Variants in EYS observed in about 807,000 individuals in gnomAD.
The protein encoded by EYS is protein eyes shut homolog.
EYS carries 250 observed loss-of-function variants against 282.1 expected under a neutral mutation model. The observed-to-expected ratio is 0.89, with a 90% CI of 0.80 to 0.98. The LOEUF is 0.98. Among genes scored for constraint, EYS ranks in the 50% least tolerant of loss-of-function variants. The pLI is 0.00. For missense variants in EYS, 4,016 were observed against 3,709.0 expected (o/e 1.08, Z -2.15); for synonymous variants, 1,355 against 1,282.9 (o/e 1.06, Z -1.20).
chr6:64,607,900 C>A (rs1766986301), intron 24 of EYS, among the ~76,000 whole-genome samples: 1 of 152,050 alleles, frequency 6.6e-6, no homozygotes, highest in Non-Finnish European at 1.5e-5. Context: ...CTCATCATCA[C>A]CATAGGAATA....
intron 19 of EYS, among the ~76,000 whole-genome samples, chr6:64,861,864 C>T (rs557278187): frequency 6.6e-6 from 1 of 152,072 alleles, no homozygotes; most frequent in African/African-American, 2.4e-5. Context: ...TCCTCTAATG[C>T]TTCTTTCTTT....
At chr6:63,857,437 A>T (rs1772423245) in intron 36 of EYS, 1 of 191,598 alleles carries the variant, frequency 5.2e-6, no homozygotes. Flanking sequence ...TTGTATCTGT[A>T]TGAGATGAGT....
At chr6:64,270,226 ACTT>A (rs1468337721) in intron 30 of EYS, among the ~76,000 whole-genome samples, 1 of 152,136 alleles carries the variant, frequency 6.6e-6, no homozygotes, top group Admixed American at 6.6e-5. Context: ...CAAAGTATCT[ACTT>A]CTCATTTTAG....
At chr6:65,367,072 G>A (rs901360093) in intron 8 of EYS, among the ~76,000 whole-genome samples, 3 of 151,556 alleles carry the variant, frequency 2.0e-5, no homozygotes, top group Non-Finnish European at 2.9e-5. Flanking sequence ...AACATCCATA[G>A]GTTATGGGGA....
At chr6:64,850,791 TAAG>T (rs1765859411) in intron 19 of EYS, among the ~76,000 whole-genome samples, 2 of 152,062 alleles carry the variant, frequency 1.3e-5, no homozygotes, top group Non-Finnish European at 2.9e-5. Flanking sequence ...CAAAAGTAAT[TAAG>T]AAGACCGATC....
At chr6:64,129,579 T>G (rs1180131559) in intron 31 of EYS, among the ~76,000 whole-genome samples, 1 of 152,168 alleles carries the variant, frequency 6.6e-6, no homozygotes, top group East Asian at 1.9e-4. Flanking sequence ...ATTCTGTAGG[T>G]TGCCTGTTCA....
At chr6:64,670,448 A>AATG (rs1491588984) in intron 22 of EYS, among the ~76,000 whole-genome samples, 1,357 of 89,542 alleles carry the variant, frequency 0.015, 11 homozygotes, top group East Asian at 0.036. Context: ...TAAATAAATG[A>AATG]AAAAAAAACG....
intron 31 of EYS, among the ~76,000 whole-genome samples, chr6:64,158,319 C>T (rs573481364): frequency 1.3e-4 from 20 of 152,038 alleles, no homozygotes; most frequent in Non-Finnish European, 2.2e-4. Context: ...TTAATGAATA[C>T]GTTGATAATG....
At chr6:64,437,479 A>C (rs1454502597) in intron 27 of EYS, among the ~76,000 whole-genome samples, 2 of 151,744 alleles carry the variant, frequency 1.3e-5, no homozygotes, top group Admixed American at 1.3e-4. Context: ...AGAAAATTTA[A>C]GATCATTTAC....
At chr6:65,055,758 A>G (rs1382730851) in intron 13 of EYS, among the ~76,000 whole-genome samples, 14 of 152,080 alleles carry the variant, frequency 9.2e-5, no homozygotes. Flanking sequence ...TACTTTTGAA[A>G]GGAAGATGAG....
intron 2 of EYS, among the ~76,000 whole-genome samples, chr6:65,558,842 A>C (rs1376000652): frequency 2.0e-5 from 3 of 152,180 alleles, no homozygotes; most frequent in Admixed American, 2.0e-4. Context: ...TAAGTTCTAC[A>C]CTGTTTTGCT....
intron 31 of EYS, among the ~76,000 whole-genome samples, chr6:64,094,914 C>T (rs1422992201): frequency 6.6e-6 from 1 of 152,162 alleles, no homozygotes; most frequent in East Asian, 1.9e-4. Context: ...TCCCTCTACA[C>T]ACTGCGTTGA....
chr6:65,224,271 C>A (rs1766557747), intron 12 of EYS, among the ~76,000 whole-genome samples: 1 of 152,024 alleles, frequency 6.6e-6, no homozygotes, highest in Admixed American at 6.6e-5. Flanking sequence ...AAGTAGAGTT[C>A]ATAAATATGT....
chr6:63,836,742 TG>T (rs1323465095), intron 36 of EYS, among the ~76,000 whole-genome samples: 2 of 152,138 alleles, frequency 1.3e-5, no homozygotes, highest in East Asian at 3.9e-4. Flanking sequence ...ATTGAAGGAC[TG>T]GGTTCATGAA....
chr6:65,657,366 C>T (rs1394360010), intron 1 of EYS, among the ~76,000 whole-genome samples: 1 of 151,736 alleles, frequency 6.6e-6, no homozygotes, highest in Non-Finnish European at 1.5e-5. Flanking sequence ...AAAAGATTCA[C>T]CATTCTAAAT....
At chr6:65,543,496 T>A (rs57736063) in intron 2 of EYS, among the ~76,000 whole-genome samples, 5,633 of 148,710 alleles carry the variant, frequency 0.038, 272 homozygotes, top group African/African-American at 0.11. Context: ...TATATATATA[T>A]AAAATTATAT....
chr6:64,372,566 C>T (rs934988054), intron 29 of EYS, among the ~76,000 whole-genome samples: 1 of 152,042 alleles, frequency 6.6e-6, no homozygotes, highest in African/African-American at 2.4e-5. Context: ...GGTTTCTCTG[C>T]ATTTTGATTT....
intron 15 of EYS, among the ~76,000 whole-genome samples, chr6:64,913,991 C>T (rs1236970098): frequency 6.6e-6 from 1 of 152,148 alleles, no homozygotes. Context: ...CTGTCATTAT[C>T]TTCAAATACC....
chr6:65,647,144 C>G (rs1767480114), intron 1 of EYS, among the ~76,000 whole-genome samples: 1 of 152,086 alleles, frequency 6.6e-6, no homozygotes, highest in Non-Finnish European at 1.5e-5. Flanking sequence ...CATCATTCTT[C>G]ACAGAACTAG....
Sources: gnomAD v4.1 joint callset for allele counts (sites outside exome capture counted in the v4.1 genomes callset) on GRCh38, gnomAD v4.1.1 for gene constraint, MANE v1.5 for transcripts, NCBI Gene and HGNC (gene_info 2026-07-23, HGNC 2026-07-21) for gene names.